FUBP3: variants seen among roughly 807,000 people sequenced by gnomAD.
The protein encoded by FUBP3 is far upstream element-binding protein 3.
A neutral mutation model predicts 85.6 loss-of-function variants in FUBP3; 28 were observed. The observed-to-expected ratio is 0.33, with a 90% CI of 0.24 to 0.45. The LOEUF (loss-of-function observed/expected upper bound fraction) is 0.45, where lower values mean the gene tolerates loss of function less well. Among genes scored for constraint, FUBP3 ranks in the 20% least tolerant of loss-of-function variants. The pLI is 1.00. For synonymous variants in FUBP3, 271 were observed against 271.4 expected, an observed-to-expected ratio of 1.00 and a Z score of 0.01; for missense variants, 583 against 755.1, an observed-to-expected ratio of 0.77 and a Z score of 2.67.
chr9:130,594,210 AC>A (rs2119023183), intron 1 of FUBP3, among the ~76,000 whole-genome samples: 1 of 152,210 alleles, frequency 6.6e-6, no homozygotes, highest in African/African-American at 2.4e-5. Flanking sequence ...ACTTTGCGAG[AC>A]TGAGGCAGGA....
intron 1 of FUBP3, among the ~76,000 whole-genome samples, chr9:130,590,400 C>T (rs1429182231): frequency 1.3e-5 from 2 of 152,208 alleles, no homozygotes; most frequent in African/African-American, 4.8e-5. Context: ...TTTCCACTAA[C>T]TACTGGTAGT....
At chr9:130,633,233 T>C (rs1830286591) in intron 16 of FUBP3, among the ~76,000 whole-genome samples, 1 of 152,246 alleles carries the variant, frequency 6.6e-6, no homozygotes, top group Non-Finnish European at 1.5e-5. Context: ...TTGTGTTTCT[T>C]CCCTTTTTTT....
At chr9:130,593,517 T>G (rs192763962) in intron 1 of FUBP3, among the ~76,000 whole-genome samples, 2 of 152,262 alleles carry the variant, frequency 1.3e-5, no homozygotes, top group Non-Finnish European at 2.9e-5. Context: ...TGGGGCATCA[T>G]GCAGAGAGGA....
chr9:130,636,970 G>A, intron 18 of FUBP3, 44 bp from the exon 19 acceptor site: 1 of 1,599,968 alleles, frequency 6.3e-7, no homozygotes, highest in Non-Finnish European at 8.6e-7. Context: ...ACAGACCTGA[G>A]AACCTGCCAT....
chr9:130,625,240 G>A (rs1029607593), intron 11 of FUBP3, among the ~76,000 whole-genome samples: 1 of 152,222 alleles, frequency 6.6e-6, no homozygotes, highest in African/African-American at 2.4e-5. Flanking sequence ...GCACTGCAGA[G>A]GCTGCGAGAT....
At chr9:130,579,832 G>T (rs188013785) in intron 1 of FUBP3, 68 bp downstream of exon 1, 8 of 980,892 alleles carry the variant, frequency 8.2e-6, no homozygotes, top group Admixed American at 4.3e-5. Context: ...GGGAAGAGGG[G>T]TTCGGGCCTG....
intron 2 of FUBP3, among the ~76,000 whole-genome samples, chr9:130,599,799 C>T (rs1831061783): frequency 6.6e-6 from 1 of 152,182 alleles, no homozygotes; most frequent in Admixed American, 6.5e-5. Context: ...CAACTGGAGC[C>T]TCTCCCTGCA....
chr9:130,630,826 A>G (rs1309167296), intron 13 of FUBP3, 38 bp downstream of exon 13: 4 of 1,402,344 alleles, frequency 2.9e-6, no homozygotes, highest in Admixed American at 2.8e-5. Context: ...GTTTACTCAT[A>G]GCTGTTTTCT....
chr9:130,587,048 G>A (rs1166665090), intron 1 of FUBP3, among the ~76,000 whole-genome samples: 2 of 95,352 alleles, frequency 2.1e-5, no homozygotes, highest in Non-Finnish European at 1.9e-5. Context: ...TGCACCCGGC[G>A]TTTTTTGTTT....
Position 130,616,267 on chromosome 9 carries a change from GT to G in FUBP3, c.405-83del, listed in dbSNP as rs779001187. 4.4e-4 allele frequency: 590 copies of G among 1,326,510 alleles called. No homozygotes were observed. The highest frequency in any genetic ancestry group is 5.9e-4 in the Non-Finnish European group (558 of 941,406). The allele number at this position is 1,326,510 out of a possible 1,614,324, so 82.2% of individuals were successfully genotyped here. A position where few individuals can be genotyped will look rare whatever the true frequency, so the allele number is the denominator to read the frequency against. On this transcript the variant is annotated intron_variant, in intron 6 of 18. Coordinates refer to ENST00000319725, the MANE Select transcript of FUBP3 (RefSeq NM_003934.2). The surrounding 1 kb of genome is among the most constrained non-coding windows in gnomAD (Gnocchi z 4.7). Reference sequence around the variant, plus strand: ...TGGAGGGCTGCCCTGACTCCCGCAGGTTTTTCCCTCAGTGCTATTTCCCTGT... The same window carrying G: ...TGGAGGGCTGCCCTGACTCCCGCAGGTTTTCCCTCAGTGCTATTTCCCTGT...
At chr9:130,586,455 G>A (rs1330433163) in intron 1 of FUBP3, among the ~76,000 whole-genome samples, 3 of 152,076 alleles carry the variant, frequency 2.0e-5, no homozygotes, top group African/African-American at 4.8e-5. Flanking sequence ...AGGCTGGAGC[G>A]CAGTGGCGCA....
chr9:130,630,424 C>G (rs1478735992), intron 12 of FUBP3, among the ~76,000 whole-genome samples: 1 of 152,218 alleles, frequency 6.6e-6, no homozygotes, highest in African/African-American at 2.4e-5. Context: ...CAGCTTCACT[C>G]CAAACAGCTA....
rs1188176260 is a variant in FUBP3, at chr9:130,616,260, C to T, written c.405-95C>T. 5 of 1,189,940 alleles carry T rather than the reference C, an allele frequency of 4.2e-6. No individual in the cohort carries two copies. The highest frequency in any genetic ancestry group is 4.9e-6 in the Non-Finnish European group (4 of 824,248). 73.7% of individuals were successfully genotyped at this position (1,189,940 alleles called of 1,614,324 possible). A position where few individuals can be genotyped will look rare whatever the true frequency, so the allele number is the denominator to read the frequency against. On this transcript the variant is annotated intron_variant, in intron 6 of 18. Coordinates refer to ENST00000319725, the MANE Select transcript of FUBP3 (RefSeq NM_003934.2). This position sits in a 1 kb window ranked among gnomAD's most constrained non-coding sequence, Gnocchi z 4.7. The stretch of plus-strand genomic sequence containing the variant: ...AGCTGGATGGAGGGCTGCCCTGACT[C>T]CCGCAGGTTTTTCCCTCAGTGCTAT...
Position 130,616,043 on chromosome 9 carries a change from C to T in FUBP3, c.405-312C>T, listed in dbSNP as rs141552801. Among the ~76,000 whole-genome samples, 254 of 152,284 alleles carry T rather than the reference C, an allele frequency of 1.7e-3. No homozygotes were observed. The highest frequency in any genetic ancestry group is 2.5e-3 in the Non-Finnish European group (173 of 68,032). Reference sequence around the variant, plus strand: ...AAGGGATGAAAGATGGTCTCTGCCTCCAGAGCAGCTGGCATCCTAATAGGA... The same window carrying T: ...AAGGGATGAAAGATGGTCTCTGCCTTCAGAGCAGCTGGCATCCTAATAGGA... On this transcript the variant is annotated intron_variant, in intron 6 of 18. Transcript: ENST00000319725. This position sits in a 1 kb window ranked among gnomAD's most constrained non-coding sequence, Gnocchi z 4.7.
intron 11 of FUBP3, among the ~76,000 whole-genome samples, chr9:130,624,652 T>TGTGTGTGTG (rs57256345): frequency 1.4e-5 from 2 of 146,430 alleles, no homozygotes; most frequent in South Asian, 2.1e-4. Flanking sequence ...TGTGTGTGTG[T>TGTGTGTGTG]TTTTAAGCTC....
In FUBP3 at chr9:130,636,033, C is replaced by T. The variant is rs1181448739; in HGVS notation, c.1617C>T (p.Ser539=). ...CCAGCGCTGCTCCTCAGGCCAGCTCCCCACCGGACTACACAATGGCCTGGG... is the reference window on the plus strand; with the variant it reads ...CCAGCGCTGCTCCTCAGGCCAGCTCTCCACCGGACTACACAATGGCCTGGG... ...HAASAAPQAS[S]PPDYTMAWAE... Residue 539 remains serine, a synonymous_variant, in exon 18 of 19, where the codon TCC becomes TCT. Coordinates refer to ENST00000319725, the MANE Select transcript of FUBP3 (RefSeq NM_003934.2). 1 of 1,610,284 alleles carries T rather than the reference C, an allele frequency of 6.2e-7. No individual in the cohort carries two copies. Among genetic ancestry groups the T allele is most frequent in the South Asian group, 1.1e-5 (1 of 90,986 alleles).
intron 12 of FUBP3, among the ~76,000 whole-genome samples, chr9:130,628,123 CA>C (rs1418668258): frequency 2.1e-3 from 322 of 151,996 alleles, no homozygotes; most frequent in South Asian, 8.7e-3. Flanking sequence ...CACACACACA[CA>C]CACCCCCTAC....
chr9:130,623,020 C>T (rs1057092270), intron 10 of FUBP3, among the ~76,000 whole-genome samples: 2 of 152,092 alleles, frequency 1.3e-5, no homozygotes, highest in Non-Finnish European at 2.9e-5. Context: ...ATGTCGGTCA[C>T]CTTTGATTTC....
At chr9:130,605,231 C>A (rs117018273) in intron 2 of FUBP3, among the ~76,000 whole-genome samples, 1 of 152,276 alleles carries the variant, frequency 6.6e-6, no homozygotes, top group East Asian at 1.9e-4. Context: ...AGGGTAGGCC[C>A]CCTCATCTGT....
Sources: gnomAD v4.1 joint callset for allele counts (sites outside exome capture counted in the v4.1 genomes callset) on GRCh38, gnomAD v4.1.1 for gene constraint, Gnocchi (gnomAD v3.1) non-coding constraint, MANE v1.5 for transcripts, NCBI Gene and HGNC (gene_info 2026-07-23, HGNC 2026-07-21) for gene names.